XIRP2: variants seen among roughly 807,000 people sequenced by gnomAD.
XIRP2 encodes the protein xin actin binding repeat containing 2, also known as xin actin-binding repeat-containing protein 2.
A neutral mutation model predicts 277.0 loss-of-function variants in XIRP2; 236 were observed. That is an observed-to-expected ratio of 0.85 (90% confidence interval 0.77 to 0.95). The LOEUF (loss-of-function observed/expected upper bound fraction) is 0.95, where lower values mean the gene tolerates loss of function less well. XIRP2 is among the 40% of genes least tolerant of loss of function. The pLI, the probability that XIRP2 is intolerant of heterozygous loss-of-function variation, is 0.00. For missense variants in XIRP2, 4,640 were observed against 4,157.5 expected, an observed-to-expected ratio of 1.12 and a Z score of -3.19; for synonymous variants, 1,490 against 1,416.5, an observed-to-expected ratio of 1.05 and a Z score of -1.17.
intron 3 of XIRP2, among the ~76,000 whole-genome samples, chr2:167,191,876 G>T (rs542522122): frequency 6.6e-6 from 1 of 152,038 alleles, no homozygotes; most frequent in Admixed American, 6.6e-5. Flanking sequence ...AATTGCTCCC[G>T]GCATACGTAT....
intron 2 of XIRP2, among the ~76,000 whole-genome samples, chr2:166,922,090 A>C (rs544803737): frequency 8.5e-5 from 13 of 152,270 alleles, no homozygotes; most frequent in Non-Finnish European, 1.9e-4. Context: ...TTTTGGTAAC[A>C]AGCTATGTCT....
chr2:167,044,136 A>G (rs112840923), intron 2 of XIRP2, among the ~76,000 whole-genome samples: 11 of 152,232 alleles, frequency 7.2e-5, no homozygotes, highest in African/African-American at 2.4e-4. Flanking sequence ...AAATCTATAA[A>G]TGTGATTCAT....
chr2:167,131,130 C>T lies in XIRP2; in HGVS notation c.409-4779C>T, dbSNP rs117784491. ...TGCCTGGGTTCTTATCTTCAAGCTA[C>T]CAAGCTTGCAAATCACTTATATCTA... On this transcript the variant is annotated intron_variant, in intron 2 of 10. Transcript: ENST00000409195. Among the ~76,000 whole-genome samples the T allele has an allele frequency of 1.6e-4, 24 of 152,212 alleles. 1 individual carries two copies. In the East Asian group the frequency reaches 3.3e-3, roughly 21 times the overall value.
intron 3 of XIRP2, among the ~76,000 whole-genome samples, chr2:167,210,460 T>G (rs1275775859): frequency 6.6e-6 from 1 of 152,220 alleles, no homozygotes; most frequent in African/African-American, 2.4e-5. Context: ...TAATTGTTAT[T>G]ATATATCTGT....
chr2:167,186,006 C>T (rs1283153339), intron 3 of XIRP2, among the ~76,000 whole-genome samples: 2 of 152,104 alleles, frequency 1.3e-5, no homozygotes. Context: ...TCCAAGAGAC[C>T]TTTCTGCAAT....
At chr2:166,935,268 T>A (rs1363723229) in intron 2 of XIRP2, among the ~76,000 whole-genome samples, 1 of 152,104 alleles carries the variant, frequency 6.6e-6, no homozygotes, top group Non-Finnish European at 1.5e-5. Context: ...TCTAATGTTA[T>A]AAAAATGCAA....
intron 2 of XIRP2, among the ~76,000 whole-genome samples, chr2:166,974,031 G>A (rs1184628704): frequency 1.3e-5 from 2 of 152,160 alleles, no homozygotes; most frequent in Admixed American, 6.5e-5. Context: ...CTTGGGATAA[G>A]TTACAAAAGA....
intron 2 of XIRP2, among the ~76,000 whole-genome samples, chr2:167,101,041 T>C (rs1690473405): frequency 6.6e-6 from 1 of 152,166 alleles, no homozygotes; most frequent in Non-Finnish European, 1.5e-5. Context: ...AAAAAATCTT[T>C]TGAACGTTGA....
intron 5 of XIRP2, among the ~76,000 whole-genome samples, 188 bp from the exon 6 acceptor site, chr2:167,239,667 G>T (rs559645082): frequency 6.6e-6 from 1 of 152,282 alleles, no homozygotes; most frequent in Non-Finnish European, 1.5e-5. Context: ...ACCTATAGAA[G>T]TATAAGATCC....
chr2:167,153,111 T>C (rs1024993750), intron 3 of XIRP2, among the ~76,000 whole-genome samples: 4 of 152,184 alleles, frequency 2.6e-5, no homozygotes, highest in Non-Finnish European at 5.9e-5. Context: ...ATTTGTTGAA[T>C]GATTCAATTA....
At chr2:167,086,746 G>A (rs1044118605) in intron 2 of XIRP2, among the ~76,000 whole-genome samples, 1 of 150,260 alleles carries the variant, frequency 6.7e-6, no homozygotes, top group African/African-American at 2.4e-5. Flanking sequence ...AGCTCCTGAG[G>A]CTTCTGCATT....
intron 2 of XIRP2, among the ~76,000 whole-genome samples, chr2:166,986,567 G>T (rs1305883650): frequency 3.3e-5 from 5 of 152,188 alleles, no homozygotes; most frequent in African/African-American, 4.8e-5. Flanking sequence ...TCTGCCTTTA[G>T]CACCTGCTTT....
intron 2 of XIRP2, among the ~76,000 whole-genome samples, chr2:167,038,895 T>G (rs1688584484): frequency 6.6e-6 from 1 of 152,080 alleles, no homozygotes; most frequent in African/African-American, 2.4e-5. Flanking sequence ...AATAAACTAT[T>G]TTAGTCAAAT....
At chr2:166,939,679 C>CAAAAA (rs138977006) in intron 2 of XIRP2, among the ~76,000 whole-genome samples, 20 of 90,604 alleles carry the variant, frequency 2.2e-4, no homozygotes, top group East Asian at 2.9e-4. Flanking sequence ...GACTCCATCA[C>CAAAAA]AAAAAAAAAA....
chr2:167,199,275 T>C (rs1693610383), intron 3 of XIRP2, among the ~76,000 whole-genome samples: 1 of 152,224 alleles, frequency 6.6e-6, no homozygotes, highest in Non-Finnish European at 1.5e-5. Flanking sequence ...TAATAATCAG[T>C]AAATGATTAA....
chr2:167,077,000 T>C (rs1337074860), intron 2 of XIRP2, among the ~76,000 whole-genome samples: 2 of 151,866 alleles, frequency 1.3e-5, no homozygotes, highest in Non-Finnish European at 2.9e-5. Flanking sequence ...TTGGCTCATT[T>C]TTGTGTGTTT....
intron 3 of XIRP2, among the ~76,000 whole-genome samples, chr2:167,182,352 A>G (rs567405540): frequency 3.9e-5 from 6 of 152,334 alleles, no homozygotes; most frequent in Middle Eastern, 6.8e-3. Flanking sequence ...TCAGAATTAC[A>G]TATCAGATGA....
rs768070786 is a variant in XIRP2 at position 167,243,748 on chromosome 2, ATC to A, written c.2357_2358del (p.Ile786AsnfsTer4). ...TQPLDTINKDITEIKVVRGIS... is the reference protein window; with the variant it reads ...TQPLDTINKDXTEIKVVRGIS... Reference sequence around the variant, plus strand: ...GCCGTTGGACACAATTAACAAAGATATCACAGAAATTAAAGTTGTCCGAGGAA... The same window carrying A: ...GCCGTTGGACACAATTAACAAAGATAACAGAAATTAAAGTTGTCCGAGGAA... On this transcript the variant is annotated frameshift_variant, in exon 9 of 11. Transcript: ENST00000409195. LOFTEE classifies it high-confidence loss of function. 6.2e-7 allele frequency: 1 copy of A among 1,614,084 alleles called. No individual in the cohort carries two copies. Among genetic ancestry groups the A allele is most frequent in the South Asian group, 1.1e-5 (1 of 91,078 alleles).
chr2:167,016,737 G>T (rs1158318413), intron 2 of XIRP2, among the ~76,000 whole-genome samples: 1 of 151,908 alleles, frequency 6.6e-6, no homozygotes, highest in East Asian at 1.9e-4. Flanking sequence ...ACTCAGATTT[G>T]AACCCAGAGG....
Sources: gnomAD v4.1 joint callset for allele counts (sites outside exome capture counted in the v4.1 genomes callset) on GRCh38, gnomAD v4.1.1 for gene constraint, MANE v1.5 for transcripts, NCBI Gene and HGNC (gene_info 2026-07-23, HGNC 2026-07-21) for gene names.